NBPF9: variants seen among roughly 807,000 people sequenced by gnomAD.
NBPF9 encodes the protein NBPF member 9.
NBPF9 carries 91 observed loss-of-function variants against 97.8 expected under a neutral mutation model. The ratio of observed to expected loss-of-function variants is 0.93; its 90% CI spans 0.79 to 1.11. NBPF9 has a LOEUF of 1.11. NBPF9 is among the 50% of genes least tolerant of loss of function. The probability of loss-of-function intolerance (pLI) is 0.00; values close to 1 mark genes in which losing one functional copy is unlikely to be tolerated. For synonymous variants in NBPF9, 334 were observed against 359.5 expected (o/e 0.93, Z 0.80); for missense variants, 992 against 939.5 (o/e 1.06, Z -0.73).
exon 9 of NBPF9, chr1:149,079,043 T>C: frequency 6.6e-7 from 1 of 1,519,110 alleles, no homozygotes; most frequent in Non-Finnish European, 9.1e-7. Flanking sequence ...TGTGCCAGTC[T>C]ACACCCCTCA....
chr1:149,070,702 A>G (rs1472647943), intron 16 of NBPF9, among the ~76,000 whole-genome samples: 1 of 152,034 alleles, frequency 6.6e-6, no homozygotes, highest in African/African-American at 2.4e-5. Context: ...CACCTCCTGC[A>G]CTCAGGTGAC....
chr1:149,059,919 G>A lies in NBPF9; in HGVS notation c.2477-111C>T. The A allele has an allele frequency of 8.9e-6, 4 of 451,490 alleles. 2 individuals carry two copies. The highest frequency in any genetic ancestry group is 7.3e-5 in the Admixed American group (2 of 27,386). 28.0% of individuals were successfully genotyped at this position (451,490 alleles called of 1,614,324 possible). A position where few individuals can be genotyped will look rare whatever the true frequency, so the allele number is the denominator to read the frequency against. Reference sequence around the variant, plus strand: ...CCTCAGGCTCCTCAGCATAAGAATAGGACACTGTGAGAGATATATTTCAGG... The same window carrying A: ...CCTCAGGCTCCTCAGCATAAGAATAAGACACTGTGAGAGATATATTTCAGG... On this transcript the variant is annotated intron_variant, in intron 24 of 29. Coordinates refer to ENST00000584027, the Ensembl canonical transcript of NBPF9.
At chr1:149,077,500 C>A in intron 10 of NBPF9, 81 bp from the exon 11 acceptor site, 11 of 1,587,886 alleles carry the variant, frequency 6.9e-6, no homozygotes, top group Non-Finnish European at 9.5e-6. Flanking sequence ...CTGGTTTTGA[C>A]AGGCGGCATT....
intron 5 of NBPF9, among the ~76,000 whole-genome samples, chr1:149,083,021 C>G (rs1197438299): frequency 2.2e-5 from 3 of 138,798 alleles, no homozygotes; most frequent in South Asian, 4.6e-4. Context: ...GTGTTAGCCA[C>G]GATGGTCTCG....
intron 4 of NBPF9, among the ~76,000 whole-genome samples, chr1:149,093,090 G>T (rs2081513131): frequency 6.6e-6 from 1 of 152,006 alleles, no homozygotes; most frequent in Admixed American, 6.5e-5. Flanking sequence ...AGAGGGGGAT[G>T]TGGCAGGACA....
intron 4 of NBPF9, among the ~76,000 whole-genome samples, chr1:149,094,086 G>A (rs1368952274): frequency 1.3e-5 from 2 of 152,006 alleles, no homozygotes; most frequent in Non-Finnish European, 2.9e-5. Context: ...AGTGAGCTGA[G>A]ATGGCGCCGT....
intron 10 of NBPF9, 56 bp downstream of exon 10, chr1:149,077,827 C>T (rs3977222): frequency 6.3e-7 from 1 of 1,596,392 alleles, no homozygotes. Context: ...GGGTGTGCCT[C>T]CTAGACATCT....
At chr1:149,087,389 T>C (rs1413685399) in intron 5 of NBPF9, among the ~76,000 whole-genome samples, 2 of 150,936 alleles carry the variant, frequency 1.3e-5, no homozygotes, top group African/African-American at 4.9e-5. Context: ...ATATATGTCC[T>C]AAGAATCAAT....
At chr1:149,082,155 A>G (rs1360225815) in exon 7 of NBPF9, 20 of 1,611,956 alleles carry the variant, frequency 1.2e-5, no homozygotes, top group Non-Finnish European at 1.6e-5. Flanking sequence ...CGTTTGTGGC[A>G]GAAGAGGTGG....
intron 5 of NBPF9, among the ~76,000 whole-genome samples, chr1:149,087,351 G>A (rs1171204109): frequency 4.9e-4 from 71 of 145,410 alleles, no homozygotes; most frequent in African/African-American, 1.4e-3. Context: ...ACACACACAC[G>A]TTTGTGTGTG....
rs1453896387 is a variant in NBPF9 at position 149,060,390 on chromosome 1, A to G, written c.2476+133T>C. 1.4e-5 allele frequency: 6 copies of G among 427,832 alleles called. 1 individual carries two copies. The highest frequency in any genetic ancestry group is 2.9e-5 in the East Asian group (1 of 34,048). The allele number at this position is 427,832 out of a possible 1,614,324, so 26.5% of individuals were successfully genotyped here. On this transcript the variant is annotated intron_variant, in intron 24 of 29. Coordinates refer to ENST00000584027, the Ensembl canonical transcript of NBPF9. ...CCAGGTAGAACTAGAGTTTCATTCA[A>G]CCTACATGTGCCTATAGGTCCTCCC...
chr1:149,080,469 C>T (rs1193108656), intron 7 of NBPF9, among the ~76,000 whole-genome samples: 1 of 150,756 alleles, frequency 6.6e-6, no homozygotes, highest in South Asian at 2.1e-4. Context: ...CTTTCCCAAG[C>T]CTTGCAGCCT....
At chr1:149,101,735 G>A (rs2152928432) in intron 2 of NBPF9, among the ~76,000 whole-genome samples, 1 of 151,806 alleles carries the variant, frequency 6.6e-6, no homozygotes, top group Non-Finnish European at 1.5e-5. Flanking sequence ...AAGGATGTGG[G>A]GTAACCAGAA....
intron 29 of NBPF9, among the ~76,000 whole-genome samples, chr1:149,056,245 T>C (rs1413345133): frequency 7.0e-6 from 1 of 143,310 alleles, no homozygotes; most frequent in East Asian, 2.2e-4. Context: ...AGCTCAATAG[T>C]TTTCCATAAA....
rs1477589056 is a variant in NBPF9, at chr1:149,073,152, C to G, written c.1092-220G>C. Among the ~76,000 whole-genome samples, 5 of 148,722 alleles carry G rather than the reference C, an allele frequency of 3.4e-5. 1 individual carries two copies. The highest frequency in any genetic ancestry group is 7.5e-5 in the Non-Finnish European group (5 of 66,826). On this transcript the variant is annotated intron_variant, in intron 13 of 29. Transcript: ENST00000584027. Reference sequence around the variant, plus strand: ...CTCCTGCAAGATCCTCGATGATGTTCCATTCATCTTTCCCTTCTGTAAACA... The same window carrying G: ...CTCCTGCAAGATCCTCGATGATGTTGCATTCATCTTTCCCTTCTGTAAACA...
intron 4 of NBPF9, among the ~76,000 whole-genome samples, chr1:149,098,094 G>C (rs1483579573): frequency 6.6e-6 from 1 of 151,384 alleles, no homozygotes; most frequent in Non-Finnish European, 1.5e-5. Context: ...AAAGGGGACG[G>C]CAGGGTGGAA....
exon 16 of NBPF9, chr1:149,070,960 C>T (rs782385629): frequency 8.8e-5 from 142 of 1,612,570 alleles, no homozygotes; most frequent in African/African-American, 2.5e-4. Flanking sequence ...AGCATCTTCC[C>T]GTTCAACATG....
At chr1:149,071,168 A>G (rs2079378876) in intron 15 of NBPF9, 29 bp from the exon 16 acceptor site, 1 of 1,381,782 alleles carries the variant, frequency 7.2e-7, no homozygotes, top group African/African-American at 1.4e-5. Context: ...CAGAGATGAC[A>G]GAAGATTAAA....
At chr1:149,099,801 A>C (rs2082027705) in intron 3 of NBPF9, among the ~76,000 whole-genome samples, 1 of 151,782 alleles carries the variant, frequency 6.6e-6, no homozygotes, top group Non-Finnish European at 1.5e-5. Flanking sequence ...TCTGGGCACT[A>C]CAGGAAAACC....
Sources: allele counts gnomAD v4.1 joint callset (sites outside exome capture counted in the v4.1 genomes callset), GRCh38; gene constraint gnomAD v4.1.1; transcripts MANE v1.5; gene names NCBI Gene and HGNC (gene_info 2026-07-23, HGNC 2026-07-21).